BAZ2B: variants seen among roughly 807,000 people sequenced by gnomAD.
The protein encoded by BAZ2B is bromodomain adjacent to zinc finger domain 2B.
BAZ2B carries 91 observed loss-of-function variants against 246.0 expected under a neutral mutation model. The ratio of observed to expected loss-of-function variants is 0.37; its 90% CI spans 0.31 to 0.44. The LOEUF (loss-of-function observed/expected upper bound fraction) is 0.44. Among genes scored for constraint, BAZ2B ranks in the 20% least tolerant of loss-of-function variants. The pLI is 1.00. For synonymous variants in BAZ2B, 855 were observed against 860.0 expected, an observed-to-expected ratio of 0.99 and a Z score of 0.10; for missense variants, 2,332 against 2,533.7, an observed-to-expected ratio of 0.92 and a Z score of 1.71.
At chr2:159,639,943 T>C in the BAZ2B span, among the ~76,000 whole-genome samples, 8 of 152,228 alleles carry the variant, frequency 5.3e-5, no homozygotes, top group Non-Finnish European at 7.4e-5. Context: ...TCCAGTGATT[T>C]GTTGCCTATA....
chr2:159,425,799 T>C (rs1335159805), intron 13 of BAZ2B, among the ~76,000 whole-genome samples: 6 of 152,216 alleles, frequency 3.9e-5, no homozygotes, highest in Non-Finnish European at 8.8e-5. Context: ...ATAATTACTA[T>C]AACAAAATTA....
At chr2:159,623,719 T>C in the BAZ2B span, among the ~76,000 whole-genome samples, 4 of 152,202 alleles carry the variant, frequency 2.6e-5, no homozygotes, top group African/African-American at 7.2e-5. Flanking sequence ...TTATTTTTGC[T>C]AGCAAATCTC....
At chr2:159,359,226 GAA>G (rs1470754852) in intron 27 of BAZ2B, among the ~76,000 whole-genome samples, 1 of 152,070 alleles carries the variant, frequency 6.6e-6, no homozygotes, top group African/African-American at 2.4e-5. Context: ...TAATAAAGGA[GAA>G]AAGAGAGAAG....
chr2:159,605,458 T>C (rs2151787705), intron 1 of BAZ2B, among the ~76,000 whole-genome samples: 1 of 152,366 alleles, frequency 6.6e-6, no homozygotes, highest in Non-Finnish European at 1.5e-5. Flanking sequence ...ATGTAATTAA[T>C]TTAGTTGGTA....
chr2:159,629,926 G>C, the BAZ2B span, among the ~76,000 whole-genome samples: 2 of 152,276 alleles, frequency 1.3e-5, no homozygotes, highest in Non-Finnish European at 2.9e-5. Flanking sequence ...AGTGAAGAAA[G>C]CAAGTTGGAG....
chr2:159,522,596 G>C (rs1412202910), intron 2 of BAZ2B, among the ~76,000 whole-genome samples: 1 of 152,160 alleles, frequency 6.6e-6, no homozygotes, highest in Non-Finnish European at 1.5e-5. Flanking sequence ...TTAGAAATAA[G>C]TAAACAATTA....
intron 2 of BAZ2B, among the ~76,000 whole-genome samples, chr2:159,502,786 T>C (rs988878858): frequency 4.6e-5 from 7 of 152,208 alleles, no homozygotes; most frequent in Non-Finnish European, 1.5e-5. Context: ...TGATTTTTCA[T>C]GTGCTATAAT....
At chr2:159,395,715 T>G (rs2149673996) in intron 20 of BAZ2B, 54 bp downstream of exon 20, 1 of 1,461,930 alleles carries the variant, frequency 6.8e-7, no homozygotes. Context: ...AGCCAATGCT[T>G]TAGGAAAAAG....
chr2:159,394,409 C>G (rs2063734651), intron 20 of BAZ2B, among the ~76,000 whole-genome samples: 1 of 152,068 alleles, frequency 6.6e-6, no homozygotes, highest in African/African-American at 2.4e-5. Flanking sequence ...ATTATGGTTA[C>G]AATTCCACGC....
At chr2:159,342,691 A>G (rs1026904648) in intron 31 of BAZ2B, among the ~76,000 whole-genome samples, 9 of 152,192 alleles carry the variant, frequency 5.9e-5, no homozygotes, top group South Asian at 2.1e-4. Context: ...CAAAAACAAA[A>G]ATCCAATTCT....
chr2:159,409,391 A>G (rs1167014962), intron 14 of BAZ2B, among the ~76,000 whole-genome samples: 1 of 152,206 alleles, frequency 6.6e-6, no homozygotes. Flanking sequence ...AAAATTTGAG[A>G]TATTAATAGT....
At chr2:159,539,861 T>C (rs1233835405) in intron 2 of BAZ2B, among the ~76,000 whole-genome samples, 1 of 152,182 alleles carries the variant, frequency 6.6e-6, no homozygotes, top group Non-Finnish European at 1.5e-5. Flanking sequence ...CTGTGATCAC[T>C]ATAACCTCTG....
the BAZ2B span, among the ~76,000 whole-genome samples, chr2:159,672,579 G>A: frequency 6.6e-6 from 1 of 152,158 alleles, no homozygotes; most frequent in Admixed American, 6.5e-5. Context: ...CCAGAGTGAA[G>A]GTTTTTCCAG....
intron 2 of BAZ2B, among the ~76,000 whole-genome samples, chr2:159,511,211 T>C (rs989155060): frequency 6.6e-6 from 1 of 152,146 alleles, no homozygotes; most frequent in African/African-American, 2.4e-5. Context: ...TCTTTCTTTC[T>C]TTCTTTTTTG....
chr2:159,647,805 A>G, the BAZ2B span, among the ~76,000 whole-genome samples: 1 of 152,202 alleles, frequency 6.6e-6, no homozygotes, highest in Admixed American at 6.5e-5. Context: ...TGTTATTTAT[A>G]ATGATGTGTG....
the BAZ2B span, among the ~76,000 whole-genome samples, chr2:159,623,346 G>A: frequency 1.3e-5 from 2 of 151,756 alleles, no homozygotes; most frequent in African/African-American, 4.8e-5. Context: ...TACAGCCTGG[G>A]CAATATGCAA....
intron 16 of BAZ2B, among the ~76,000 whole-genome samples, chr2:159,401,245 A>G (rs998102633): frequency 6.6e-6 from 1 of 152,244 alleles, no homozygotes; most frequent in Admixed American, 6.5e-5. Flanking sequence ...AGATCTTTAT[A>G]GATATTTGCA....
At chr2:159,399,416 T>C (rs1451371498) in intron 17 of BAZ2B, among the ~76,000 whole-genome samples, 2 of 152,088 alleles carry the variant, frequency 1.3e-5, no homozygotes, top group African/African-American at 4.8e-5. Context: ...TTATGTCTAT[T>C]AAGTGAAGCA....
chr2:159,584,896 C>A (rs1331239832), intron 1 of BAZ2B, among the ~76,000 whole-genome samples: 1 of 152,064 alleles, frequency 6.6e-6, no homozygotes, highest in African/African-American at 2.4e-5. Context: ...AGCACCTGGC[C>A]CTCTCTCGCT....
Sources: gnomAD v4.1 joint callset for allele counts (sites outside exome capture counted in the v4.1 genomes callset) on GRCh38, gnomAD v4.1.1 for gene constraint, MANE v1.5 for transcripts, NCBI Gene and HGNC (gene_info 2026-07-23, HGNC 2026-07-21) for gene names.